The following PHLPP1 variants were observed in gnomAD, a reference collection of about 807,000 sequenced individuals.
PHLPP1 encodes the protein PH domain and leucine rich repeat protein phosphatase 1, also known as PH domain leucine-rich repeat-containing protein phosphatase 1.
In PHLPP1, 42 loss-of-function variants were observed where a neutral mutation model predicts 117.2. The ratio of observed to expected loss-of-function variants is 0.36; its 90% CI spans 0.28 to 0.46. The LOEUF is 0.46. Among genes scored for constraint, PHLPP1 ranks in the 20% least tolerant of loss-of-function variants. PHLPP1 has a pLI of 1.00. For missense variants in PHLPP1, 2,084 were observed against 2,241.9 expected (o/e 0.93, Z 1.42); for synonymous variants, 1,042 against 970.7 (o/e 1.07, Z -1.37).
At chr18:62,931,967 G>T (rs1053323514) in intron 10 of PHLPP1, among the ~76,000 whole-genome samples, 1 of 148,384 alleles carries the variant, frequency 6.7e-6, no homozygotes, top group Non-Finnish European at 1.5e-5. Context: ...AAACAGAAAA[G>T]ATCCTCAGAG....
rs181138421 is a variant in PHLPP1, at chr18:62,959,613, A to G, written c.3455+854A>G. On this transcript the variant is annotated intron_variant, in intron 13 of 16. Transcript: ENST00000262719. ...GTAGCAGTTTTAAACATTGTCATAC[A>G]TTAGTCATTATGCATGCCATATATG... Among the ~76,000 whole-genome samples, 58 of 152,340 alleles carry G rather than the reference A, an allele frequency of 3.8e-4. 1 individual carries two copies. In the East Asian group the frequency reaches 9.8e-3, roughly 26 times the overall value.
rs192127056 is a variant in PHLPP1 at position 62,960,961 on chromosome 18, G to T, written c.3455+2202G>T. ...ATTAAGTGCATATGAGGACTCTTCT[G>T]TGAGATTGAGCTGTGGTTCACAGAA... is the stretch of plus-strand genomic sequence containing the variant. On this transcript the variant is annotated intron_variant, in intron 13 of 16. Coordinates refer to ENST00000262719, the MANE Select transcript of PHLPP1 (RefSeq NM_194449.4). 4.7e-4 allele frequency among the ~76,000 whole-genome samples: 71 copies of T among 152,292 alleles called. 2 individuals are homozygous for T. The East Asian group carries it at 0.013, about 27-fold the overall frequency.
At chr18:62,764,905 C>A (rs192031885) in intron 1 of PHLPP1, among the ~76,000 whole-genome samples, 17 of 152,336 alleles carry the variant, frequency 1.1e-4, no homozygotes, top group South Asian at 4.1e-4. Flanking sequence ...TTTCTCTCTT[C>A]CCTTGGCTAC....
intron 1 of PHLPP1, among the ~76,000 whole-genome samples, chr18:62,786,269 A>C (rs1913282095): frequency 6.6e-6 from 1 of 152,264 alleles, no homozygotes; most frequent in Non-Finnish European, 1.5e-5. Context: ...CCTCTCCAGC[A>C]GACGGATGAG....
chr18:62,882,429 T>A (rs1916193003), intron 4 of PHLPP1, among the ~76,000 whole-genome samples: 1 of 151,932 alleles, frequency 6.6e-6, no homozygotes, highest in Non-Finnish European at 1.5e-5. Context: ...CCACCGCGCC[T>A]GGATAATTTT....
intron 4 of PHLPP1, among the ~76,000 whole-genome samples, chr18:62,866,385 C>G (rs1915772351): frequency 6.6e-6 from 1 of 151,886 alleles, no homozygotes; most frequent in Admixed American, 6.6e-5. Context: ...GCTGGGATTA[C>G]AGGCACCCGC....
chr18:62,811,256 T>A (rs1914106156), intron 1 of PHLPP1, among the ~76,000 whole-genome samples: 1 of 152,192 alleles, frequency 6.6e-6, no homozygotes, highest in South Asian at 2.1e-4. Flanking sequence ...TTCATGCTAT[T>A]TGACCTAGCA....
chr18:62,959,050 T>C (rs1182377566), intron 13 of PHLPP1, among the ~76,000 whole-genome samples: 2 of 152,226 alleles, frequency 1.3e-5, no homozygotes, highest in Non-Finnish European at 2.9e-5. Context: ...ATCCAGGTTA[T>C]TTAAATAAAA....
intron 6 of PHLPP1, among the ~76,000 whole-genome samples, chr18:62,897,638 C>G (rs140775076): frequency 0.02 from 3,034 of 152,226 alleles, 43 homozygotes; most frequent in South Asian, 0.056. Flanking sequence ...TCCCGAGTAG[C>G]TGGGATTACA....
chr18:62,947,591 A>C (rs1192730932), intron 12 of PHLPP1, among the ~76,000 whole-genome samples: 1 of 152,178 alleles, frequency 6.6e-6, no homozygotes, highest in East Asian at 1.9e-4. Flanking sequence ...AAATTCTAGC[A>C]CAAGAGAAAG....
chr18:62,954,244 G>A (rs1011428614), intron 12 of PHLPP1, among the ~76,000 whole-genome samples: 2 of 152,164 alleles, frequency 1.3e-5, no homozygotes, highest in East Asian at 3.9e-4. Context: ...TTATAACAAA[G>A]TAATTTTTGT....
chr18:62,724,576 T>C (rs569925815), intron 1 of PHLPP1, among the ~76,000 whole-genome samples: 1 of 152,304 alleles, frequency 6.6e-6, no homozygotes, highest in Non-Finnish European at 1.5e-5. Context: ...ACCTAGGATT[T>C]TGATGATCTG....
intron 4 of PHLPP1, among the ~76,000 whole-genome samples, chr18:62,888,454 A>G (rs1916339373): frequency 1.3e-5 from 2 of 152,006 alleles, no homozygotes. Flanking sequence ...TAATCCCAGT[A>G]CTTTGGGAGG....
intron 6 of PHLPP1, 58 bp downstream of exon 6, chr18:62,896,069 G>A: frequency 6.6e-6 from 7 of 1,053,626 alleles, no homozygotes; most frequent in Non-Finnish European, 8.6e-6. Context: ...TGCAGGGGTG[G>A]GGAGTAGGTT....
At chr18:62,822,017 G>T (rs1163575521) in intron 1 of PHLPP1, among the ~76,000 whole-genome samples, 1 of 152,094 alleles carries the variant, frequency 6.6e-6, no homozygotes, top group East Asian at 1.9e-4. Context: ...GATCACCTGA[G>T]CCCAGGAGTT....
At chr18:62,898,039 C>CTCTTTCTCCTCT (rs1568154492) in intron 6 of PHLPP1, among the ~76,000 whole-genome samples, 2 of 152,064 alleles carry the variant, frequency 1.3e-5, no homozygotes, top group African/African-American at 2.4e-5. Flanking sequence ...CCTCTTTGTA[C>CTCTTTCTCCTCT]AAAGTGTGGC....
At position 62,895,123 on chromosome 18, in the gene PHLPP1, C is replaced by T. The variant is rs776883345; in HGVS notation, c.2179C>T (p.Arg727Ter). 3 of 1,613,848 alleles carry T rather than the reference C, an allele frequency of 1.9e-6. No individual in the cohort carries two copies. The highest frequency in any genetic ancestry group is 1.3e-5 in the African/African-American group (1 of 75,028). Residue 727 changes from arginine to a stop codon, truncating the protein, a stop_gained, in exon 5 of 17, where the codon CGA becomes TGA. Coordinates refer to ENST00000262719, the MANE Select transcript of PHLPP1 (RefSeq NM_194449.4). LOFTEE classifies it high-confidence loss of function. ...AELNVSCNAL[R>*]SVPAAVGVMH... is the part of the protein sequence containing the mutation. ...GCTGAACGTGTCCTGCAATGCCCTG[C>T]GATCAGTCCCGGCAGCCGTTGGAGT...
chr18:62,881,530 G>A (rs1599100011), intron 4 of PHLPP1, among the ~76,000 whole-genome samples: 1 of 152,024 alleles, frequency 6.6e-6, no homozygotes, highest in East Asian at 1.9e-4. Flanking sequence ...TTGTTTTCTA[G>A]TTATATGAAA....
intron 4 of PHLPP1, among the ~76,000 whole-genome samples, chr18:62,884,239 A>AGG (rs1008034079): frequency 1.3e-5 from 2 of 152,162 alleles, no homozygotes; most frequent in African/African-American, 4.8e-5. Context: ...AAAAATGTGG[A>AGG]GGGGGCTATC....
Sources: gnomAD v4.1 joint callset for allele counts (sites outside exome capture counted in the v4.1 genomes callset) on GRCh38, gnomAD v4.1.1 for gene constraint, MANE v1.5 for transcripts, NCBI Gene and HGNC (gene_info 2026-07-23, HGNC 2026-07-21) for gene names.